Variants in GOLGA2 observed in about 807,000 individuals in gnomAD.
The protein encoded by GOLGA2 is golgin A2, also known as golgin subfamily A member 2.
A neutral mutation model predicts 148.8 loss-of-function variants in GOLGA2; 49 were observed. The ratio of observed to expected loss-of-function variants is 0.33; its 90% CI spans 0.26 to 0.42. GOLGA2 has a LOEUF of 0.42. GOLGA2 is among the 10% of genes least tolerant of loss of function. GOLGA2 has a pLI of 1.00. For synonymous variants in GOLGA2, 501 were observed against 511.8 expected, an observed-to-expected ratio of 0.98 and a Z score of 0.28; for missense variants, 1,178 against 1,304.6, an observed-to-expected ratio of 0.90 and a Z score of 1.49.
intron 1 of GOLGA2, among the ~76,000 whole-genome samples, chr9:128,274,396 G>A (rs1291752608): frequency 1.3e-5 from 2 of 152,190 alleles, no homozygotes; most frequent in Admixed American, 6.5e-5. Context: ...TCAAATATGA[G>A]GTGGAGAAGT....
intron 13 of GOLGA2, 157 bp downstream of exon 13, chr9:128,262,877 A>G (rs1310345308): frequency 1.3e-6 from 1 of 798,904 alleles, no homozygotes; most frequent in African/African-American, 1.7e-5. Context: ...CCAAGGCTAC[A>G]CCATGAGTCA....
At chr9:128,267,046 T>A in intron 8 of GOLGA2, 148 bp downstream of exon 8, 2 of 694,586 alleles carry the variant, frequency 2.9e-6, no homozygotes, top group Non-Finnish European at 5.3e-6. Flanking sequence ...CTCCGTGCTC[T>A]GGGGTCCCTC....
In GOLGA2 at chr9:128,275,887, C is replaced by T. The variant is rs1438503077; in HGVS notation, c.84+6G>A. On this transcript the variant is annotated splice_donor_region_variant and intron_variant, in intron 1 of 26. Coordinates refer to ENST00000611957, the MANE Select transcript of GOLGA2 (RefSeq NM_001366244.2). Reference sequence around the variant, plus strand: ...GGTCGGGGGGCCGCGACCCGGTGCACTTTACCTTTTTCTTCGCTGCGGCCA... The same window carrying T: ...GGTCGGGGGGCCGCGACCCGGTGCATTTTACCTTTTTCTTCGCTGCGGCCA... 2.6e-6 allele frequency: 4 copies of T among 1,533,374 alleles called. No homozygotes were observed. The highest frequency in any genetic ancestry group is 1.2e-5 in the South Asian group (1 of 85,350). 95.0% of individuals were successfully genotyped at this position (1,533,374 alleles called of 1,614,324 possible).
intron 3 of GOLGA2, among the ~76,000 whole-genome samples, chr9:128,269,109 A>T (rs1270409910): frequency 6.6e-6 from 1 of 151,804 alleles, no homozygotes; most frequent in Non-Finnish European, 1.5e-5. Flanking sequence ...TTATAGGTGC[A>T]CACTACCATG....
Position 128,261,994 on chromosome 9 carries a change from A to T in GOLGA2, c.1135-237T>A. The T allele has an allele frequency of 3.9e-6, 2 of 509,754 alleles. No homozygotes were observed. The highest frequency in any genetic ancestry group is 3.4e-5 in the Admixed American group (1 of 29,380). The allele number at this position is 509,754 out of a possible 1,614,324, so 31.6% of individuals were successfully genotyped here. The stretch of plus-strand genomic sequence containing the variant: ...TGAGGTGGGTGGATTGCTTGAGCTC[A>T]GGAGTTCAAGACCAACCTCGGCAAC... On this transcript the variant is annotated intron_variant, in intron 14 of 26. Coordinates refer to ENST00000611957, the MANE Select transcript of GOLGA2 (RefSeq NM_001366244.2). This position sits in a 1 kb window ranked among gnomAD's most constrained non-coding sequence, Gnocchi z 5.7.
At chr9:128,275,253 G>T (rs1831242332) in intron 1 of GOLGA2, 4 of 607,078 alleles carry the variant, frequency 6.6e-6, no homozygotes, top group Admixed American at 6.8e-5. Context: ...TGTGACCAGA[G>T]GAACCAGAAG....
At chr9:128,270,863 T>C (rs752292236) in intron 3 of GOLGA2, among the ~76,000 whole-genome samples, 20 of 151,838 alleles carry the variant, frequency 1.3e-4, no homozygotes, top group African/African-American at 2.9e-4. Flanking sequence ...CTGAGCAACA[T>C]GGCAAGACCC....
At chr9:128,262,738 G>C (rs372564769) in intron 13 of GOLGA2, 34 bp from the exon 14 acceptor site, 2 of 1,598,328 alleles carry the variant, frequency 1.3e-6, no homozygotes, top group African/African-American at 1.3e-5. Flanking sequence ...AGGAATGAAC[G>C]AAGAACAGAA....
At position 128,258,366 on chromosome 9, in the gene GOLGA2, CAGA is replaced by C; in HGVS notation, c.2289+86_2289+88del. The C allele has an allele frequency of 3.0e-6, 4 of 1,315,104 alleles. No individual in the cohort carries two copies. Among genetic ancestry groups the C allele is most frequent in the Non-Finnish European group, 4.4e-6 (4 of 917,230 alleles). The allele number at this position is 1,315,104 out of a possible 1,614,324, so 81.5% of individuals were successfully genotyped here. ...GAAAGGGGTGAGGGTCCGAAGAAATCAGAAGGCCGGGAAACCAAGAGCAGAAGG... is the reference window on the plus strand; with the variant it reads ...GAAAGGGGTGAGGGTCCGAAGAAATCAGGCCGGGAAACCAAGAGCAGAAGG... On this transcript the variant is annotated intron_variant, in intron 22 of 26. Transcript: ENST00000611957. The surrounding 1 kb of genome is among the most constrained non-coding windows in gnomAD (Gnocchi z 6.6).
At chr9:128,270,129 ATTTTT>A (rs776425049) in intron 3 of GOLGA2, among the ~76,000 whole-genome samples, 10 of 115,142 alleles carry the variant, frequency 8.7e-5, no homozygotes, top group Non-Finnish European at 1.5e-4. Flanking sequence ...GAGGAAGGGA[ATTTTT>A]TTTTTTTTTT....
intron 3 of GOLGA2, among the ~76,000 whole-genome samples, chr9:128,269,221 T>C (rs1312843364): frequency 6.6e-6 from 1 of 152,066 alleles, no homozygotes; most frequent in Non-Finnish European, 1.5e-5. Context: ...AATGTTGAGA[T>C]TACAGGTGTG....
At chr9:128,263,276 CAG>C (rs1830385263) in intron 12 of GOLGA2, among the ~76,000 whole-genome samples, 184 bp from the exon 13 acceptor site, 1 of 152,272 alleles carries the variant, frequency 6.6e-6, no homozygotes, top group African/African-American at 2.4e-5. Flanking sequence ...GTTTTTGAGA[CAG>C]AGTCTCCCTC....
rs763222071 is a variant in GOLGA2, at chr9:128,266,067, G to C, written c.682-47C>G. On this transcript the variant is annotated intron_variant, in intron 9 of 26. Coordinates refer to ENST00000611957, the MANE Select transcript of GOLGA2 (RefSeq NM_001366244.2). The surrounding 1 kb of genome is among the most constrained non-coding windows in gnomAD (Gnocchi z 4.2). Reference sequence around the variant, plus strand: ...GCTCTTACGAGGGGGAGGCAGAGACGGCACAGCAAGGGACATGCCCCCAGA... The same window carrying C: ...GCTCTTACGAGGGGGAGGCAGAGACCGCACAGCAAGGGACATGCCCCCAGA... The C allele has an allele frequency of 4.6e-6, 7 of 1,515,128 alleles. No homozygotes were observed. The Admixed American group carries it at 8.3e-5, about 18-fold the overall frequency. 93.9% of individuals were successfully genotyped at this position (1,515,128 alleles called of 1,614,324 possible). A position where few individuals can be genotyped will look rare whatever the true frequency, so the allele number is the denominator to read the frequency against.
rs1831122864 is a variant in GOLGA2 at position 128,273,861 on chromosome 9, A to C, written c.196T>G (p.Ser66Ala). ...CATCCAAGACTCACATCCTCAGGTG[A>C]GTGGCAACCACCAGAAGTGGTTGTC... ...PETTTSGGCH[S>A]PEDIQDILKV... The change falls in exon 2 of 27, where the codon TCA (serine) becomes GCA (alanine). Residue 66 changes from serine (S) to alanine (A), a missense_variant. Transcript: ENST00000611957. The C allele has an allele frequency of 1.2e-6, 2 of 1,613,896 alleles. No individual in the cohort carries two copies. The highest frequency in any genetic ancestry group is 1.7e-5 in the Admixed American group (1 of 60,004).
In GOLGA2 at chr9:128,275,063, A is replaced by C. The variant is rs1019502710; in HGVS notation, c.84+830T>G. ...TCTCTGGAGAGTAGAAGCCTGGGGGAAAACCAAACCAATCCCGTTCTCACA... is the reference window on the plus strand; with the variant it reads ...TCTCTGGAGAGTAGAAGCCTGGGGGCAAACCAAACCAATCCCGTTCTCACA... On this transcript the variant is annotated intron_variant, in intron 1 of 26. Coordinates refer to ENST00000611957, the MANE Select transcript of GOLGA2 (RefSeq NM_001366244.2). Among the ~76,000 whole-genome samples the C allele has an allele frequency of 4.8e-4, 73 of 152,292 alleles. 2 individuals are homozygous for C. Among genetic ancestry groups the C allele is most frequent in the African/African-American group, 1.7e-3 (70 of 41,566 alleles).
Position 128,266,601 on chromosome 9 carries a change from C to A in GOLGA2, c.643-276G>T. The A allele has an allele frequency of 1.8e-6, 1 of 548,336 alleles. No homozygotes were observed. The highest frequency in any genetic ancestry group is 3.2e-6 in the Non-Finnish European group (1 of 309,246). 34.0% of individuals were successfully genotyped at this position (548,336 alleles called of 1,614,324 possible). ...CTCTAGAGATGGAGTGTGAGAAAAGCCCACCCTCTGCCAGTTTGTGATTTA... is the reference window on the plus strand; with the variant it reads ...CTCTAGAGATGGAGTGTGAGAAAAGACCACCCTCTGCCAGTTTGTGATTTA... On this transcript the variant is annotated intron_variant, in intron 8 of 26. Transcript: ENST00000611957. This position sits in a 1 kb window ranked among gnomAD's most constrained non-coding sequence, Gnocchi z 4.2.
intron 11 of GOLGA2, 38 bp from the exon 12 acceptor site, chr9:128,265,729 C>T (rs746541981): frequency 1.2e-6 from 2 of 1,610,254 alleles, no homozygotes; most frequent in South Asian, 1.1e-5. Context: ...CCAAAGGACT[C>T]CCCCTAAAGG....
chr9:128,269,524 G>A (rs1251170251), intron 3 of GOLGA2, among the ~76,000 whole-genome samples: 2 of 152,130 alleles, frequency 1.3e-5, no homozygotes, highest in African/African-American at 2.4e-5. Context: ...TCAGAACTTG[G>A]GGTCATGTGG....
chr9:128,267,315 G>A, intron 7 of GOLGA2, 41 bp from the exon 8 acceptor site: 7 of 1,475,134 alleles, frequency 4.7e-6, no homozygotes, highest in Non-Finnish European at 6.6e-6. Flanking sequence ...GGAGGATTGG[G>A]GGGAGAGGTA....
Sources: allele counts gnomAD v4.1 joint callset (sites outside exome capture counted in the v4.1 genomes callset), GRCh38; gene constraint gnomAD v4.1.1; non-coding constraint Gnocchi (gnomAD v3.1); transcripts MANE v1.5; gene names NCBI Gene and HGNC (gene_info 2026-07-23, HGNC 2026-07-21).